MPHOSPH9: variants seen among roughly 807,000 people sequenced by gnomAD.
MPHOSPH9 encodes M-phase phosphoprotein 9.
A neutral mutation model predicts 145.5 loss-of-function variants in MPHOSPH9; 88 were observed. The ratio of observed to expected loss-of-function variants is 0.60; its 90% CI spans 0.51 to 0.72. The LOEUF is 0.72. Among genes scored for constraint, MPHOSPH9 ranks in the 30% least tolerant of loss-of-function variants. The pLI is 0.00. For missense variants in MPHOSPH9, 1,238 were observed against 1,386.6 expected (o/e 0.89, Z 1.70); for synonymous variants, 435 against 486.2 (o/e 0.89, Z 1.39).
At chr12:123,153,915 A>T (rs2043815440), downstream of MPHOSPH9, among the ~76,000 whole-genome samples, 1 of 152,184 alleles carries the variant, frequency 6.6e-6, no homozygotes, top group Admixed American at 6.5e-5. Flanking sequence ...TTCATCTTAT[A>T]GCTGAGAAAG....
At chr12:123,201,638 C>T (rs917814496) in intron 11 of MPHOSPH9, among the ~76,000 whole-genome samples, 4 of 152,080 alleles carry the variant, frequency 2.6e-5, no homozygotes, top group Admixed American at 2.6e-4. Context: ...CCACAGCCTC[C>T]CAAAGTGCTG....
Position 123,203,342 on chromosome 12 carries a change from G to A in MPHOSPH9, c.1228C>T (p.Leu410=), listed in dbSNP as rs199891417. Reference sequence around the variant, plus strand: ...TGTTTTTTATAATAAATATCCTTCAGTGACGGTAGCTTCATCTCATTACTA... The same window carrying A: ...TGTTTTTTATAATAAATATCCTTCAATGACGGTAGCTTCATCTCATTACTA... The part of the protein sequence containing the change: ...NTSNEMKLPS[L]KDIYYKKQRE... Residue 410 remains leucine (L), a synonymous_variant, in exon 9 of 24, where the codon CTG becomes TTG. Coordinates refer to ENST00000606320, the MANE Select transcript of MPHOSPH9 (RefSeq NM_022782.4). The A allele has an allele frequency of 2.2e-5, 36 of 1,609,998 alleles. No individual in the cohort carries two copies. The Middle Eastern group carries it at 8.2e-4, about 37-fold the overall frequency.
In MPHOSPH9 at chr12:123,202,790, C is replaced by A. The variant is rs2046278979; in HGVS notation, c.1615G>T (p.Val539Leu). ...ATATCATTACTAGTAATGGTATATA[C>A]TGACGGAAACGTGGAACTGGTCCTA... ...ESRTSSTFPS[V>L]YTITSNDISV... Residue 539 changes from valine (V) to leucine (L), a missense_variant, in exon 10 of 24, where the codon GTA becomes TTA. Val to Leu is a conservative substitution (Grantham distance 32). Transcript: ENST00000606320. 1 of 1,614,170 alleles carries A rather than the reference C, an allele frequency of 6.2e-7. No homozygotes were observed. The highest frequency in any genetic ancestry group is 8.5e-7 in the Non-Finnish European group (1 of 1,180,044).
chr12:123,219,909 G>A (rs1047686531), intron 5 of MPHOSPH9, among the ~76,000 whole-genome samples: 3 of 152,184 alleles, frequency 2.0e-5, no homozygotes, highest in Non-Finnish European at 4.4e-5. Context: ...CAGGCTGGGT[G>A]CAGTGGTTCA....
chr12:123,171,256 C>T (rs1328455874), intron 16 of MPHOSPH9, among the ~76,000 whole-genome samples: 4 of 151,214 alleles, frequency 2.6e-5, no homozygotes, highest in African/African-American at 9.7e-5. Context: ...GAGTTCGAGA[C>T]CAGCCTGGCC....
intron 8 of MPHOSPH9, among the ~76,000 whole-genome samples, chr12:123,204,435 A>C (rs1565947581): frequency 6.6e-6 from 1 of 152,232 alleles, no homozygotes; most frequent in Non-Finnish European, 1.5e-5. Flanking sequence ...TGTAGTTACA[A>C]TCATGTTTGT....
Position 123,210,146 on chromosome 12 carries a change from T to A in MPHOSPH9, c.1104A>T (p.Lys368Asn). The change falls in exon 8 of 24, where the codon AAA (lysine) becomes AAT (asparagine). Residue 368 changes from lysine to asparagine, a missense_variant. Lys to Asn is a moderately conservative substitution (Grantham distance 94, BLOSUM62 0). Around this residue, in one of 3 missense-constraint regions of MPHOSPH9, gnomAD observed 837 missense variants for 897.5 expected, o/e 0.93. Transcript: ENST00000606320. ...AGTGGTGCATATCCTTTTCCTCTAG[T>A]TTCCAGTAAGTCAATCCTGATGTGC... ...SDSGTGLTYWKLEEKDMHHSL... is the reference protein window; with the variant it reads ...SDSGTGLTYWNLEEKDMHHSL... 6.2e-7 allele frequency: 1 copy of A among 1,603,636 alleles called. No individual in the cohort carries two copies. The highest frequency in any genetic ancestry group is 1.3e-5 in the African/African-American group (1 of 74,580).
intron 9 of MPHOSPH9, 26 bp downstream of exon 9, chr12:123,203,224 A>G (rs758899991): frequency 9.9e-6 from 16 of 1,610,206 alleles, no homozygotes; most frequent in African/African-American, 2.7e-5. Flanking sequence ...GTTCACGTTC[A>G]CTCGGCAGAA....
intron 3 of MPHOSPH9, among the ~76,000 whole-genome samples, chr12:123,223,562 A>C (rs1297056861): frequency 6.6e-6 from 1 of 152,072 alleles, no homozygotes; most frequent in Non-Finnish European, 1.5e-5. Flanking sequence ...AGCATGCCAA[A>C]ATTGTCTCCC....
chr12:123,182,989 G>A (rs1329269069), intron 13 of MPHOSPH9, among the ~76,000 whole-genome samples: 1 of 151,454 alleles, frequency 6.6e-6, no homozygotes, highest in East Asian at 1.9e-4. Context: ...TGAGGCAGGT[G>A]GATCACTTGA....
At chr12:123,201,944 C>T (rs1365265306) in intron 11 of MPHOSPH9, among the ~76,000 whole-genome samples, 2 of 152,104 alleles carry the variant, frequency 1.3e-5, no homozygotes, top group African/African-American at 2.4e-5. Context: ...ATACAAAATT[C>T]GCTCAACTGT....
chr12:123,183,270 G>A (rs1050789217), intron 13 of MPHOSPH9, among the ~76,000 whole-genome samples: 4 of 151,548 alleles, frequency 2.6e-5, no homozygotes, highest in Non-Finnish European at 4.4e-5. Context: ...AGTGCTGGCC[G>A]GGCGTGGTAG....
intron 16 of MPHOSPH9, among the ~76,000 whole-genome samples, chr12:123,171,223 G>A (rs1482021928): frequency 6.6e-6 from 1 of 152,132 alleles, no homozygotes; most frequent in African/African-American, 2.4e-5. Flanking sequence ...GGAAGCTGAG[G>A]CGGGCGGATC....
intron 17 of MPHOSPH9, chr12:123,166,371 G>T (rs747193925): frequency 2.7e-6 from 1 of 375,530 alleles, no homozygotes; most frequent in South Asian, 3.0e-5. Context: ...CTCCCAAAGT[G>T]TTGGGATTAC....
At chr12:123,236,399 G>T (rs1410154013), upstream of MPHOSPH9, among the ~76,000 whole-genome samples, 4 of 151,766 alleles carry the variant, frequency 2.6e-5, no homozygotes, top group Non-Finnish European at 5.9e-5. Context: ...TTCGAGACCT[G>T]CCTGGGCAAC....
intron 16 of MPHOSPH9, among the ~76,000 whole-genome samples, chr12:123,167,467 A>G (rs1456118157): frequency 6.6e-6 from 1 of 152,114 alleles, no homozygotes; most frequent in Non-Finnish European, 1.5e-5. Context: ...CATCCCTAAC[A>G]AGGGATGTCT....
At chr12:123,190,662 T>G (rs1398510126) in intron 13 of MPHOSPH9, among the ~76,000 whole-genome samples, 1 of 152,174 alleles carries the variant, frequency 6.6e-6, no homozygotes, top group Non-Finnish European at 1.5e-5. Flanking sequence ...ATACAATTCA[T>G]ACATTGCTTA....
intron 8 of MPHOSPH9, among the ~76,000 whole-genome samples, chr12:123,208,746 T>C (rs958236780): frequency 2.0e-5 from 3 of 151,904 alleles, no homozygotes; most frequent in African/African-American, 7.3e-5. Flanking sequence ...CCAGCATTTT[T>C]TTTTTCCCTT....
chr12:123,223,663 A>G (rs533321021), intron 3 of MPHOSPH9, among the ~76,000 whole-genome samples: 15 of 152,330 alleles, frequency 9.8e-5, no homozygotes, highest in African/African-American at 3.6e-4. Context: ...CTGCAATTTC[A>G]GCCTAATTGT....
Sources: gnomAD v4.1 joint callset for allele counts (sites outside exome capture counted in the v4.1 genomes callset) on GRCh38, gnomAD v4.1.1 for gene constraint, gnomAD v4.1.1 regional missense constraint, MANE v1.5 for transcripts, NCBI Gene and HGNC (gene_info 2026-07-23, HGNC 2026-07-21) for gene names.